PRDM16: variants seen among roughly 807,000 people sequenced by gnomAD.
The protein encoded by PRDM16 is PR/SET domain 16.
PRDM16 carries 23 observed loss-of-function variants against 110.6 expected under a neutral mutation model. The ratio of observed to expected loss-of-function variants is 0.21; its 90% CI spans 0.15 to 0.29. The LOEUF (loss-of-function observed/expected upper bound fraction) is 0.29. Among genes scored for constraint, PRDM16 ranks in the 10% least tolerant of loss-of-function variants. The probability of loss-of-function intolerance (pLI) is 1.00; values close to 1 mark genes in which losing one functional copy is unlikely to be tolerated. For synonymous variants in PRDM16, 799 were observed against 781.8 expected (o/e 1.02, Z -0.37); for missense variants, 1,615 against 1,794.3 (o/e 0.90, Z 1.81).
At chr1:3,095,671 G>A (rs558481310) in intron 1 of PRDM16, among the ~76,000 whole-genome samples, 1 of 152,150 alleles carries the variant, frequency 6.6e-6, no homozygotes, top group Non-Finnish European at 1.5e-5. Flanking sequence ...ACCCCAAGAC[G>A]CAGCCTCACA....
chr1:3,240,517 T>C (rs1054006373), intron 2 of PRDM16, among the ~76,000 whole-genome samples: 3 of 152,120 alleles, frequency 2.0e-5, no homozygotes, highest in Admixed American at 2.0e-4. Context: ...AAGCGGAGTG[T>C]TGGGGTCCCT....
intron 8 of PRDM16, among the ~76,000 whole-genome samples, chr1:3,408,698 G>A (rs532609327): frequency 6.6e-6 from 1 of 150,890 alleles, no homozygotes; most frequent in African/African-American, 2.4e-5. Context: ...GCCGGTGCAT[G>A]TGTTGGCGTG....
chr1:3,166,977 G>A (rs1643964605), intron 1 of PRDM16, among the ~76,000 whole-genome samples: 1 of 152,178 alleles, frequency 6.6e-6, no homozygotes, highest in Non-Finnish European at 1.5e-5. Flanking sequence ...AGTACGCACG[G>A]TGGACACTGT....
intron 3 of PRDM16, among the ~76,000 whole-genome samples, chr1:3,348,774 G>GA (rs1642415595): frequency 6.6e-6 from 1 of 152,206 alleles, no homozygotes; most frequent in South Asian, 2.1e-4. Flanking sequence ...TGAGCCTGGG[G>GA]TGGGGGCCCT....
chr1:3,214,110 T>C (rs1477550533), intron 2 of PRDM16, among the ~76,000 whole-genome samples: 2 of 152,138 alleles, frequency 1.3e-5, no homozygotes, highest in Non-Finnish European at 2.9e-5. Flanking sequence ...CAGCAAAAAG[T>C]GTGTTTCCTT....
chr1:3,111,748 T>G (rs1282415814), intron 1 of PRDM16, among the ~76,000 whole-genome samples: 1 of 152,124 alleles, frequency 6.6e-6, no homozygotes, highest in Non-Finnish European at 1.5e-5. Context: ...CCTAATCTTT[T>G]TTTCTTCGCG....
intron 1 of PRDM16, among the ~76,000 whole-genome samples, chr1:3,096,425 G>A (rs1340096310): frequency 1.3e-5 from 2 of 152,212 alleles, no homozygotes; most frequent in Non-Finnish European, 2.9e-5. Context: ...CATAGGGGAA[G>A]GAATGAGGTC....
At chr1:3,223,481 G>A (rs919021929) in intron 2 of PRDM16, among the ~76,000 whole-genome samples, 4 of 152,122 alleles carry the variant, frequency 2.6e-5, no homozygotes, top group Non-Finnish European at 1.5e-5. Flanking sequence ...GCTCACCCCC[G>A]GCATGCAGGC....
intron 3 of PRDM16, among the ~76,000 whole-genome samples, chr1:3,272,839 T>C (rs1320263872): frequency 6.6e-6 from 1 of 152,182 alleles, no homozygotes; most frequent in East Asian, 1.9e-4. Flanking sequence ...CTGGCTCCCC[T>C]GCTGCCTGTG....
At chr1:3,220,916 A>G (rs998694510) in intron 2 of PRDM16, among the ~76,000 whole-genome samples, 1 of 152,236 alleles carries the variant, frequency 6.6e-6, no homozygotes, top group Non-Finnish European at 1.5e-5. Context: ...CCACAGTGGC[A>G]GAGCCAGCCT....
At chr1:3,109,737 G>A (rs1453831445) in intron 1 of PRDM16, among the ~76,000 whole-genome samples, 2 of 152,224 alleles carry the variant, frequency 1.3e-5, no homozygotes, top group Admixed American at 1.3e-4. Flanking sequence ...AAGCAAACGA[G>A]TATGGGAGTT....
intron 2 of PRDM16, among the ~76,000 whole-genome samples, chr1:3,204,687 T>G (rs1638712446): frequency 6.6e-6 from 1 of 152,262 alleles, no homozygotes; most frequent in Non-Finnish European, 1.5e-5. Flanking sequence ...TGACTTTGCG[T>G]GTACGTAGAC....
chr1:3,304,247 G>A (rs965127227), intron 3 of PRDM16, among the ~76,000 whole-genome samples: 2 of 151,878 alleles, frequency 1.3e-5, no homozygotes, highest in African/African-American at 4.8e-5. Flanking sequence ...GGGGAGCGCA[G>A]GAGGCTGTGG....
chr1:3,250,465 C>G (rs1053681182), intron 3 of PRDM16, among the ~76,000 whole-genome samples: 2 of 152,090 alleles, frequency 1.3e-5, no homozygotes, highest in East Asian at 1.9e-4. Context: ...CTTTTGCCGC[C>G]GCCCCCCCAC....
chr1:3,364,089 A>G (rs1334415319), intron 3 of PRDM16, among the ~76,000 whole-genome samples: 1 of 151,884 alleles, frequency 6.6e-6, no homozygotes, highest in Non-Finnish European at 1.5e-5. Flanking sequence ...TGGCGTAGAA[A>G]CTGCTGGATG....
chr1:3,434,176 G>A lies in PRDM16; in HGVS notation c.*365G>A. On this transcript the variant is annotated 3_prime_UTR_variant, in exon 17 of 17. Transcript: ENST00000270722. ...GGTGCCCGCGTGGGGTCGCGGAAGG[G>A]AATGGATAGACTGGTGTGCTCAAAA... 3.2e-6 allele frequency: 1 copy of A among 309,584 alleles called. No individual in the cohort carries two copies. Among genetic ancestry groups the A allele is most frequent in the Admixed American group, 4.7e-5 (1 of 21,310 alleles). The allele number at this position is 309,584 out of a possible 1,614,324, so 19.2% of individuals were successfully genotyped here.
intron 3 of PRDM16, among the ~76,000 whole-genome samples, chr1:3,326,060 C>G (rs528836826): frequency 1.6e-5 from 1 of 64,218 alleles, no homozygotes; most frequent in African/African-American, 9.4e-5. Context: ...TCTTGGCCCC[C>G]CTTGGCCATC....
At chr1:3,323,178 C>T (rs2100463643) in intron 3 of PRDM16, among the ~76,000 whole-genome samples, 1 of 152,314 alleles carries the variant, frequency 6.6e-6, no homozygotes, top group African/African-American at 2.4e-5. Context: ...AGGACTTAGC[C>T]CTTGGGAATG....
chr1:3,421,424 G>A (rs981905991), intron 12 of PRDM16, among the ~76,000 whole-genome samples: 12 of 152,182 alleles, frequency 7.9e-5, no homozygotes, highest in Admixed American at 3.9e-4. Context: ...TGGAGCTCAC[G>A]GGCGTGTTAT....
Sources: gnomAD v4.1 joint callset for allele counts (sites outside exome capture counted in the v4.1 genomes callset) on GRCh38, gnomAD v4.1.1 for gene constraint, MANE v1.5 for transcripts, NCBI Gene and HGNC (gene_info 2026-07-23, HGNC 2026-07-21) for gene names.